Variants in DPF3 observed in about 807,000 individuals in gnomAD.
DPF3 encodes the protein zinc finger protein DPF3.
Under a neutral mutation model 56.8 loss-of-function variants are expected in DPF3, and 18 were observed. The ratio of observed to expected loss-of-function variants is 0.32; its 90% CI spans 0.22 to 0.47. The LOEUF is 0.47. Among genes scored for constraint, DPF3 ranks in the 20% least tolerant of loss-of-function variants. The pLI is 1.00. For missense variants in DPF3, 403 were observed against 488.8 expected, an observed-to-expected ratio of 0.82 and a Z score of 1.65; for synonymous variants, 188 against 180.2, an observed-to-expected ratio of 1.04 and a Z score of -0.35.
chr14:72,892,309 G>A (rs1476228688), intron 1 of DPF3: 2 of 1,535,496 alleles, frequency 1.3e-6, no homozygotes, highest in South Asian at 1.2e-5. Flanking sequence ...CGAGGATGCG[G>A]CGAAGTTACG....
rs377524047 is a variant in DPF3 at position 72,743,055 on chromosome 14, C to T, written c.301+10209G>A. 1.1e-4 allele frequency among the ~76,000 whole-genome samples: 17 copies of T among 152,302 alleles called. 1 individual carries two copies. In the East Asian group the frequency reaches 1.7e-3, roughly 16 times the overall value. On this transcript the variant is annotated intron_variant, in intron 3 of 10. Coordinates refer to ENST00000556509, the MANE Select transcript of DPF3 (RefSeq NM_001280542.3). ...GCCCTCTTGTCTGAGTTTCCCCCAA[C>T]GACATGGGATGGGGGCGATCATCCT...
At chr14:72,887,152 AACACACAC>A (rs149200705) in intron 1 of DPF3, among the ~76,000 whole-genome samples, 10,965 of 138,060 alleles carry the variant, frequency 0.079, 521 homozygotes, top group Admixed American at 0.14. Context: ...TCTGCCTCCA[AACACACAC>A]ACACACACAC....
chr14:72,795,645 A>G (rs888935619), intron 1 of DPF3, among the ~76,000 whole-genome samples: 2 of 152,188 alleles, frequency 1.3e-5, no homozygotes, highest in Admixed American at 1.3e-4. Flanking sequence ...GCTATCAGCA[A>G]ATACTACCAG....
In DPF3 at chr14:72,747,336, G is replaced by C. The variant is rs7156214; in HGVS notation, c.301+5928C>G. On this transcript the variant is annotated intron_variant, in intron 3 of 10. Transcript: ENST00000556509. ...CCTGGGTGGCAGCAATTGGTTGTGG[G>C]GGGGTAATAACCCCAGCCAGCTAAT... is the stretch of plus-strand genomic sequence containing the variant. 5.6e-4 allele frequency among the ~76,000 whole-genome samples: 86 copies of C among 152,254 alleles called. 1 individual carries two copies. The South Asian group carries it at 9.1e-3, about 16-fold the overall frequency.
intron 1 of DPF3, among the ~76,000 whole-genome samples, chr14:72,817,979 C>T (rs913214351): frequency 2.6e-5 from 4 of 152,112 alleles, no homozygotes; most frequent in Non-Finnish European, 5.9e-5. Flanking sequence ...AGGCCAAGCA[C>T]GGTGGCCTGT....
At chr14:72,893,007 GGAAGGAAGGAAGGAAGGAT>G in intron 1 of DPF3, among the ~76,000 whole-genome samples, 4 of 131,542 alleles carry the variant, frequency 3.0e-5, no homozygotes, top group Admixed American at 7.7e-5. Flanking sequence ...AAGGAAGGAA[GGAAGGAAGGAAGGAAGGAT>G]GAAAAGGAGG....
At position 72,883,905 on chromosome 14, in the gene DPF3, C is replaced by A. The variant is rs372041649; in HGVS notation, c.32+10152G>T. 5.0e-5 allele frequency among the ~76,000 whole-genome samples: 7 copies of A among 140,916 alleles called. No individual in the cohort carries two copies. In the East Asian group the frequency reaches 1.2e-3, roughly 25 times the overall value. 92.4% of individuals were successfully genotyped at this position (140,916 alleles called of 152,430 possible). A position where few individuals can be genotyped will look rare whatever the true frequency, so the allele number is the denominator to read the frequency against. On this transcript the variant is annotated intron_variant, in intron 1 of 10. Transcript: ENST00000556509. ...TCACGCCACTGCACTCCAGCCTAGG[C>A]GACAGAGTGAGACTCTGTCTCAAAA...
intron 1 of DPF3, among the ~76,000 whole-genome samples, chr14:72,846,570 T>C (rs1351450298): frequency 6.6e-6 from 1 of 151,736 alleles, no homozygotes; most frequent in African/African-American, 2.4e-5. Context: ...TCTCCTGACC[T>C]TGTGATCTGC....
At position 72,731,979 on chromosome 14, in the gene DPF3, GC is replaced by G. The variant is rs1889674714; in HGVS notation, c.302-46del. 10 of 1,553,440 alleles carry G rather than the reference GC, an allele frequency of 6.4e-6. No homozygotes were observed. In the South Asian group the frequency reaches 1.2e-4, roughly 18 times the overall value. The stretch of plus-strand genomic sequence containing the variant: ...AGGCAGGTCAGGCCACTAGAAGCAG[GC>G]AGGGCAGGAGGGACAGTCCTGGAGG... On this transcript the variant is annotated intron_variant, in intron 3 of 10. Coordinates refer to ENST00000556509, the MANE Select transcript of DPF3 (RefSeq NM_001280542.3).
intron 1 of DPF3, among the ~76,000 whole-genome samples, chr14:72,867,650 T>C (rs1448663359): frequency 3.9e-5 from 6 of 152,226 alleles, no homozygotes; most frequent in Non-Finnish European, 5.9e-5. Context: ...CCTCCATGAC[T>C]ATCAAAGTTG....
intron 8 of DPF3, among the ~76,000 whole-genome samples, chr14:72,656,026 T>G (rs1408630523): frequency 6.6e-6 from 1 of 152,216 alleles, no homozygotes; most frequent in Non-Finnish European, 1.5e-5. Context: ...GTGTTTCTCC[T>G]GTGCTCCCTG....
chr14:72,823,683 C>T (rs1427784188), intron 1 of DPF3, among the ~76,000 whole-genome samples: 1 of 152,156 alleles, frequency 6.6e-6, no homozygotes, highest in Non-Finnish European at 1.5e-5. Flanking sequence ...TGTAACTAAG[C>T]AGTTACCTTG....
intron 9 of DPF3, among the ~76,000 whole-genome samples, chr14:72,628,147 C>T (rs147508026): frequency 1.1e-4 from 16 of 152,126 alleles, no homozygotes; most frequent in South Asian, 1.0e-3. Flanking sequence ...AGAATAGTGT[C>T]GAATCATAGT....
In DPF3 at chr14:72,664,077, C is replaced by T. The variant is rs533397353; in HGVS notation, c.871+10163G>A. Among the ~76,000 whole-genome samples, 11 of 152,296 alleles carry T rather than the reference C, an allele frequency of 7.2e-5. No homozygotes were observed. In the East Asian group the frequency reaches 1.7e-3, roughly 24 times the overall value. The stretch of plus-strand genomic sequence containing the variant: ...ACCCCCACTTCCCTCATGCTCTTTG[C>T]TGTCACCACCTGCCTCTAGCTCCTT... On this transcript the variant is annotated intron_variant, in intron 8 of 10. Coordinates refer to ENST00000556509, the MANE Select transcript of DPF3 (RefSeq NM_001280542.3).
At chr14:72,625,119 T>A (rs1015518777) in intron 9 of DPF3, among the ~76,000 whole-genome samples, 3 of 152,176 alleles carry the variant, frequency 2.0e-5, no homozygotes, top group African/African-American at 7.2e-5. Context: ...CTACTTCTCA[T>A]CATACTTTTG....
chr14:72,716,715 C>A (rs571265741), intron 5 of DPF3, among the ~76,000 whole-genome samples: 8 of 152,270 alleles, frequency 5.3e-5, no homozygotes, highest in Admixed American at 1.3e-4. Flanking sequence ...AAACATTCGC[C>A]AAATGGATGA....
chr14:72,620,361 A>G (rs1029564518), intron 9 of DPF3, among the ~76,000 whole-genome samples: 13 of 152,192 alleles, frequency 8.5e-5, no homozygotes, highest in Admixed American at 8.5e-4. Flanking sequence ...ATGACTTTAT[A>G]TATTTGAAGA....
chr14:72,674,504 C>T (rs1381336235), intron 7 of DPF3, 136 bp from the exon 8 acceptor site: 1 of 1,295,468 alleles, frequency 7.7e-7, no homozygotes, highest in Non-Finnish European at 1.0e-6. Context: ...GCAAATTGGG[C>T]TACGCTTTCT....
chr14:72,711,919 T>G (rs1888668877), intron 6 of DPF3, among the ~76,000 whole-genome samples: 2 of 150,664 alleles, frequency 1.3e-5, no homozygotes, highest in East Asian at 2.0e-4. Context: ...TTGCCCAGTT[T>G]GGGGGTGGTG....
Sources: allele counts gnomAD v4.1 joint callset (sites outside exome capture counted in the v4.1 genomes callset), GRCh38; gene constraint gnomAD v4.1.1; transcripts MANE v1.5; gene names NCBI Gene and HGNC (gene_info 2026-07-23, HGNC 2026-07-21).